MTA3: variants seen among roughly 807,000 people sequenced by gnomAD.
MTA3 encodes the protein metastasis-associated protein MTA3.
Under a neutral mutation model 83.5 loss-of-function variants are expected in MTA3, and 34 were observed. The observed-to-expected ratio is 0.41, with a 90% CI of 0.31 to 0.54. The LOEUF is 0.54. Among genes scored for constraint, MTA3 ranks in the 20% least tolerant of loss-of-function variants. The pLI, the probability that MTA3 is intolerant of heterozygous loss-of-function variation, is 0.33. For missense variants in MTA3, 761 were observed against 726.4 expected (o/e 1.05, Z -0.55); for synonymous variants, 303 against 252.7 (o/e 1.20, Z -1.89).
intron 2 of MTA3, among the ~76,000 whole-genome samples, chr2:42,549,378 A>T (rs573662947): frequency 0.026 from 3,131 of 119,018 alleles, 75 homozygotes; most frequent in Non-Finnish European, 0.039. Context: ...TACGTATATA[A>T]AATATATGTA....
chr2:42,518,352 C>T (rs545126895), intron 2 of MTA3, among the ~76,000 whole-genome samples: 1 of 152,070 alleles, frequency 6.6e-6, no homozygotes, highest in South Asian at 2.1e-4. Flanking sequence ...CTTATAGTGC[C>T]TGAAAGTAAG....
rs796617874 is a variant in MTA3 at position 42,517,632 on chromosome 2, G to A, written c.-141+22378G>A. ...TGGCTCATGCCTGTAATATCCTAACGCTTTGGGAGGCGAAGGAAGGTGATC... is the reference window on the plus strand; with the variant it reads ...TGGCTCATGCCTGTAATATCCTAACACTTTGGGAGGCGAAGGAAGGTGATC... On this transcript the variant is annotated intron_variant, in intron 2 of 17. Coordinates refer to the MTA3 transcript ENST00000405592. Among the ~76,000 whole-genome samples, 8 of 149,644 alleles carry A rather than the reference G, an allele frequency of 5.3e-5. No individual in the cohort carries two copies. The South Asian group carries it at 6.3e-4, about 12-fold the overall frequency.
rs190530905 is a variant in MTA3 at position 42,520,042 on chromosome 2, C to G, written c.-141+24788C>G. Among the ~76,000 whole-genome samples, 28 of 151,556 alleles carry G rather than the reference C, an allele frequency of 1.8e-4. No individual in the cohort carries two copies. In the East Asian group the frequency reaches 5.4e-3, roughly 29 times the overall value. ...GGGTGATAAGAGCCAGACCTTGTCT[C>G]AAAAAAAATAAATAAAGTGATTGAG... On this transcript the variant is annotated intron_variant, in intron 2 of 17. Transcript: ENST00000405592.
chr2:42,604,980 C>G (rs981912366), intron 3 of MTA3, among the ~76,000 whole-genome samples: 5 of 150,330 alleles, frequency 3.3e-5, no homozygotes, highest in Admixed American at 3.3e-4. Context: ...CCCATGTCTA[C>G]TTCTTTCCAC....
At chr2:42,723,806 A>G (rs894697035) in intron 16 of MTA3, among the ~76,000 whole-genome samples, 10 of 152,324 alleles carry the variant, frequency 6.6e-5, no homozygotes, top group African/African-American at 2.4e-4. Context: ...GGAACTCTAA[A>G]TTACTTATGT....
At chr2:42,521,887 C>T (rs1046398389) in intron 2 of MTA3, among the ~76,000 whole-genome samples, 4 of 151,434 alleles carry the variant, frequency 2.6e-5, no homozygotes, top group Non-Finnish European at 4.4e-5. Flanking sequence ...CCTGAGTAGC[C>T]GGGATTACAG....
intron 16 of MTA3, 58 bp from the exon 17 acceptor site, chr2:42,753,316 A>G (rs1395337791): frequency 2.6e-6 from 4 of 1,549,512 alleles, no homozygotes; most frequent in East Asian, 2.4e-5. Flanking sequence ...CCTCCCTTTC[A>G]TCTTGCCTCC....
intron 2 of MTA3, among the ~76,000 whole-genome samples, chr2:42,574,421 C>T (rs1220423055): frequency 2.6e-5 from 4 of 151,852 alleles, no homozygotes; most frequent in Admixed American, 6.6e-5. Context: ...CCACCATGCC[C>T]GGCCTCCTTT....
At chr2:42,509,528 G>C (rs953820224) in intron 2 of MTA3, among the ~76,000 whole-genome samples, 1 of 152,126 alleles carries the variant, frequency 6.6e-6, no homozygotes, top group East Asian at 1.9e-4. Flanking sequence ...TCAGCACTTT[G>C]GGAGACCAAG....
At chr2:42,613,768 G>A (rs943002655) in intron 4 of MTA3, 17 of 152,172 alleles carry the variant, frequency 1.1e-4, no homozygotes, top group African/African-American at 4.1e-4. Context: ...AAAGTGGCAG[G>A]GAGGAAACTC....
At chr2:42,571,650 T>C (rs1310600626) in intron 2 of MTA3, among the ~76,000 whole-genome samples, 1 of 152,032 alleles carries the variant, frequency 6.6e-6, no homozygotes, top group Non-Finnish European at 1.5e-5. Context: ...GAACATAATA[T>C]TGAAAGGAAT....
chr2:42,515,591 C>T (rs1300355489), intron 2 of MTA3, among the ~76,000 whole-genome samples: 1 of 151,808 alleles, frequency 6.6e-6, no homozygotes, highest in African/African-American at 2.4e-5. Context: ...CAACCTCTGC[C>T]TCCTAGGTTC....
intron 2 of MTA3, among the ~76,000 whole-genome samples, chr2:42,517,747 G>A (rs774929068): frequency 1.2e-4 from 18 of 147,642 alleles, no homozygotes; most frequent in Non-Finnish European, 2.5e-4. Context: ...GTGTGGTGGC[G>A]GGAGCCTGTA....
At chr2:42,606,211 C>T (rs1161605558) in intron 3 of MTA3, among the ~76,000 whole-genome samples, 1 of 130,806 alleles carries the variant, frequency 7.6e-6, no homozygotes, top group African/African-American at 3.0e-5. Flanking sequence ...CCCCCCCCAC[C>T]TCCCTCCCGG....
At chr2:42,678,215 A>G (rs1251879983) in intron 8 of MTA3, among the ~76,000 whole-genome samples, 1 of 152,046 alleles carries the variant, frequency 6.6e-6, no homozygotes, top group South Asian at 2.1e-4. Context: ...TCATTGTTCC[A>G]TGGTTGTGAC....
intron 6 of MTA3, among the ~76,000 whole-genome samples, chr2:42,652,795 T>G (rs1173959721): frequency 6.6e-6 from 1 of 152,254 alleles, no homozygotes; most frequent in East Asian, 1.9e-4. Context: ...CTTGTTATTC[T>G]TTTGATTCAT....
chr2:42,638,957 G>T (rs548535448), intron 4 of MTA3, among the ~76,000 whole-genome samples: 1 of 150,246 alleles, frequency 6.7e-6, no homozygotes, highest in East Asian at 2.0e-4. Flanking sequence ...TGACCAATGT[G>T]TTAGCACTTT....
Position 42,512,478 on chromosome 2 carries a change from A to T in MTA3, c.-141+17224A>T, listed in dbSNP as rs184450201. Reference sequence around the variant, plus strand: ...TGCTAGTACTCTATGTCTTCCAAGTAGGATTTTTCCTTTCCAGAGGAAAGT... The same window carrying T: ...TGCTAGTACTCTATGTCTTCCAAGTTGGATTTTTCCTTTCCAGAGGAAAGT... On this transcript the variant is annotated intron_variant, in intron 2 of 17. Coordinates refer to the MTA3 transcript ENST00000405592. Among the ~76,000 whole-genome samples the T allele has an allele frequency of 7.2e-5, 11 of 152,346 alleles. No homozygotes were observed. The East Asian group carries it at 2.1e-3, about 29-fold the overall frequency.
At chr2:42,745,474 A>G (rs961089129) in intron 16 of MTA3, among the ~76,000 whole-genome samples, 4 of 152,226 alleles carry the variant, frequency 2.6e-5, no homozygotes, top group Non-Finnish European at 5.9e-5. Context: ...TTGTTTCTCT[A>G]TAGCTTATCA....
Sources: gnomAD v4.1 joint callset for allele counts (sites outside exome capture counted in the v4.1 genomes callset) on GRCh38, gnomAD v4.1.1 for gene constraint, MANE v1.5 for transcripts, NCBI Gene and HGNC (gene_info 2026-07-23, HGNC 2026-07-21) for gene names.